Variants in SAP25 observed in about 807,000 individuals in gnomAD.
SAP25 encodes histone deacetylase complex subunit SAP25.
SAP25 carries 24 observed loss-of-function variants against 31.5 expected under a neutral mutation model. That is an observed-to-expected ratio of 0.76 (90% confidence interval 0.55 to 1.07). SAP25 has a LOEUF of 1.07. Among genes scored for constraint, SAP25 ranks in the 50% least tolerant of loss-of-function variants. The pLI is 0.00. For missense variants in SAP25, 377 were observed against 418.8 expected, an observed-to-expected ratio of 0.90 and a Z score of 0.87; for synonymous variants, 180 against 186.0, an observed-to-expected ratio of 0.97 and a Z score of 0.26.
Position 100,572,333 on chromosome 7 carries a change from C to T in SAP25, c.848G>A (p.Gly283Asp). The change falls in exon 6 of 6, where the codon GGT (glycine) becomes GAT (aspartate). Residue 283 changes from glycine (G) to aspartate (D), a missense_variant. By Grantham distance (94) the Gly-to-Asp change is moderately conservative (BLOSUM62 -1). Coordinates refer to ENST00000622764, the MANE Select transcript of SAP25 (RefSeq NM_001348680.2). This position sits in a 1 kb window ranked among gnomAD's most constrained non-coding sequence, Gnocchi z 4.1. ...GGTCTGTGGGAGAGAGAGGTCAGCA[C>T]CCTGAGAACTGCTGGGGCTACCACA... Reference protein sequence around the residue: ...SPCGSPSSSQGADLSLPQTPD... With the variant: ...SPCGSPSSSQDADLSLPQTPD... 8 of 1,360,326 alleles carry T rather than the reference C, an allele frequency of 5.9e-6. No individual in the cohort carries two copies. Among genetic ancestry groups the T allele is most frequent in the Non-Finnish European group, 7.6e-6 (8 of 1,059,554 alleles). The allele number at this position is 1,360,326 out of a possible 1,614,324, so 84.3% of individuals were successfully genotyped here.
rs1263498480 is a variant in SAP25 at position 100,572,776 on chromosome 7, G to T, written c.512-25C>A. On this transcript the variant is annotated intron_variant, in intron 4 of 5. Transcript: ENST00000622764. The surrounding 1 kb of genome is among the most constrained non-coding windows in gnomAD (Gnocchi z 4.1). ...CCTAGGAGGAAACACCACTAGGGTG[G>T]CGGGCTGCGGGCTCCCACCCCTGGG... 6.6e-7 allele frequency: 1 copy of T among 1,518,216 alleles called. No individual in the cohort carries two copies. Among genetic ancestry groups the T allele is most frequent in the Non-Finnish European group, 8.8e-7 (1 of 1,139,008 alleles). The allele number at this position is 1,518,216 out of a possible 1,614,324, so 94.0% of individuals were successfully genotyped here.
In SAP25 at chr7:100,572,543, G is replaced by A. The variant is rs1237331591; in HGVS notation, c.638C>T (p.Pro213Leu). The change falls in exon 6 of 6, where the codon CCG (proline) becomes CTG (leucine). Residue 213 changes from proline to leucine, a missense_variant. Coordinates refer to ENST00000622764, the MANE Select transcript of SAP25 (RefSeq NM_001348680.2). This position sits in a 1 kb window ranked among gnomAD's most constrained non-coding sequence, Gnocchi z 4.1. ...QMMGSLKLLP[P>L]PPIMSARVLP... Reference sequence around the variant, plus strand: ...CACCCTGGCAGACATGATGGGGGGCGGCGGCAGCAGTTTCAGGGAGCCCAT... The same window carrying A: ...CACCCTGGCAGACATGATGGGGGGCAGCGGCAGCAGTTTCAGGGAGCCCAT... The A allele has an allele frequency of 2.1e-6, 3 of 1,437,902 alleles. No individual in the cohort carries two copies. The highest frequency in any genetic ancestry group is 2.7e-6 in the Non-Finnish European group (3 of 1,099,612). 89.1% of individuals were successfully genotyped at this position (1,437,902 alleles called of 1,614,324 possible). A position where few individuals can be genotyped will look rare whatever the true frequency, so the allele number is the denominator to read the frequency against.
rs771029980 is a variant in SAP25 at position 100,572,933 on chromosome 7, G to A, written c.438C>T (p.Ala146=). ...CCACGGGCCTGAGACCCCTGCCCGA[G>A]GCTGCTTCATACAGCGGCCAGAATG... The part of the protein sequence containing the change: ...HPSFWPLYEA[A]SGRGLRPVAP... Residue 146 remains alanine (A), a synonymous_variant, in exon 4 of 6, where the codon GCC becomes GCT. Coordinates refer to ENST00000622764, the MANE Select transcript of SAP25 (RefSeq NM_001348680.2). This position sits in a 1 kb window ranked among gnomAD's most constrained non-coding sequence, Gnocchi z 4.1. The A allele has an allele frequency of 4.0e-6, 6 of 1,499,836 alleles. No homozygotes were observed. In the South Asian group the frequency reaches 7.5e-5, roughly 19 times the overall value. The allele number at this position is 1,499,836 out of a possible 1,614,324, so 92.9% of individuals were successfully genotyped here. A position where few individuals can be genotyped will look rare whatever the true frequency, so the allele number is the denominator to read the frequency against.
chr7:100,573,718 A>G lies in SAP25; in HGVS notation c.25T>C (p.Trp9Arg). 1 of 1,224,328 alleles carries G rather than the reference A, an allele frequency of 8.2e-7. No individual in the cohort carries two copies. The highest frequency in any genetic ancestry group is 3.2e-5 in the East Asian group (1 of 31,056). The allele number at this position is 1,224,328 out of a possible 1,614,324, so 75.8% of individuals were successfully genotyped here. ...GGCGCCTCCTCCGGGCCCGCGCCCC[A>G]CCGCGGCGGCGACCAGGGCAACATT... is the stretch of plus-strand genomic sequence containing the variant. MLPWSPPR[W>R]GAGPEEAPEG... Residue 9 changes from tryptophan (W) to arginine (R), a missense_variant, in exon 1 of 6, where the codon TGG becomes CGG. Trp to Arg is a moderately radical substitution (Grantham distance 101). Transcript: ENST00000622764.
rs528990776 is a variant in SAP25, at chr7:100,573,754, G to A, written c.-12C>T. On this transcript the variant is annotated 5_prime_UTR_variant, in exon 1 of 6. Transcript: ENST00000622764. ...GACCAGGGCAACATTCCGCGTTCCC[G>A]AGCGCAGGACGGTACCGCCGTGTCC... 9.1e-6 allele frequency: 11 copies of A among 1,211,264 alleles called. No individual in the cohort carries two copies. In the Admixed American group the frequency reaches 2.2e-4, roughly 24 times the overall value. 75.0% of individuals were successfully genotyped at this position (1,211,264 alleles called of 1,614,324 possible).
Position 100,573,755 on chromosome 7 carries a change from A to G in SAP25, c.-13T>C. On this transcript the variant is annotated 5_prime_UTR_variant, in exon 1 of 6. Coordinates refer to ENST00000622764, the MANE Select transcript of SAP25 (RefSeq NM_001348680.2). ...ACCAGGGCAACATTCCGCGTTCCCGAGCGCAGGACGGTACCGCCGTGTCCC... is the reference window on the plus strand; with the variant it reads ...ACCAGGGCAACATTCCGCGTTCCCGGGCGCAGGACGGTACCGCCGTGTCCC... The G allele has an allele frequency of 8.3e-7, 1 of 1,210,340 alleles. No individual in the cohort carries two copies. Among genetic ancestry groups the G allele is most frequent in the Non-Finnish European group, 1.0e-6 (1 of 974,304 alleles). The allele number at this position is 1,210,340 out of a possible 1,614,324, so 75.0% of individuals were successfully genotyped here.
rs1562801131 is a variant in SAP25, at chr7:100,572,770, A to G, written c.512-19T>C. On this transcript the variant is annotated intron_variant, in intron 4 of 5. Transcript: ENST00000622764. The surrounding 1 kb of genome is among the most constrained non-coding windows in gnomAD (Gnocchi z 4.1). ...GGGAACCCTAGGAGGAAACACCACTAGGGTGGCGGGCTGCGGGCTCCCACC... is the reference window on the plus strand; with the variant it reads ...GGGAACCCTAGGAGGAAACACCACTGGGGTGGCGGGCTGCGGGCTCCCACC... 4 of 1,523,470 alleles carry G rather than the reference A, an allele frequency of 2.6e-6. No homozygotes were observed. In the East Asian group the frequency reaches 9.8e-5, roughly 37 times the overall value. The allele number at this position is 1,523,470 out of a possible 1,614,324, so 94.4% of individuals were successfully genotyped here.
chr7:100,573,820 CGG>C lies in SAP25; in HGVS notation c.-80_-79del. The stretch of plus-strand genomic sequence containing the variant: ...GCCCTCTCAGCCTCCCTCCGCGGCG[CGG>C]CGCGAACGTGCCCTCCTGGCGAACC... On this transcript the variant is annotated 5_prime_UTR_variant, in exon 1 of 6. Coordinates refer to ENST00000622764, the MANE Select transcript of SAP25 (RefSeq NM_001348680.2). 2.7e-6 allele frequency: 3 copies of C among 1,120,742 alleles called. No homozygotes were observed. Among genetic ancestry groups the C allele is most frequent in the Non-Finnish European group, 3.3e-6 (3 of 910,362 alleles). 69.4% of individuals were successfully genotyped at this position (1,120,742 alleles called of 1,614,324 possible).
chr7:100,572,531 A>G lies in SAP25; in HGVS notation c.650T>C (p.Met217Thr). 6.9e-7 allele frequency: 1 copy of G among 1,440,302 alleles called. No individual in the cohort carries two copies. The highest frequency in any genetic ancestry group is 2.6e-5 in the East Asian group (1 of 38,962). 89.2% of individuals were successfully genotyped at this position (1,440,302 alleles called of 1,614,324 possible). ...SLKLLPPPPI[M>T]SARVLPRPSP... The stretch of plus-strand genomic sequence containing the variant: ...TGGGCGGGGGAGCACCCTGGCAGAC[A>G]TGATGGGGGGCGGCGGCAGCAGTTT... The change falls in exon 6 of 6, where the codon ATG (methionine) becomes ACG (threonine). Residue 217 changes from methionine to threonine, a missense_variant. Transcript: ENST00000622764. The surrounding 1 kb of genome is among the most constrained non-coding windows in gnomAD (Gnocchi z 4.1).
chr7:100,573,088 G>C lies in SAP25; in HGVS notation c.357+18C>G. ...CCTGAGCACCCCAGCCAGTCCCACA[G>C]GTTTGCCCCCAACTCACCCACACCG... On this transcript the variant is annotated intron_variant, in intron 3 of 5. Coordinates refer to ENST00000622764, the MANE Select transcript of SAP25 (RefSeq NM_001348680.2). The C allele has an allele frequency of 6.5e-7, 1 of 1,532,194 alleles. No individual in the cohort carries two copies. The highest frequency in any genetic ancestry group is 8.7e-7 in the Non-Finnish European group (1 of 1,143,964). 94.9% of individuals were successfully genotyped at this position (1,532,194 alleles called of 1,614,324 possible). A position where few individuals can be genotyped will look rare whatever the true frequency, so the allele number is the denominator to read the frequency against.
Position 100,572,572 on chromosome 7 carries a change from C to T in SAP25, c.610-1G>A, listed in dbSNP as rs1233868478. 7 of 1,466,418 alleles carry T rather than the reference C, an allele frequency of 4.8e-6. No homozygotes were observed. The highest frequency in any genetic ancestry group is 1.8e-4 in the Middle Eastern group (1 of 5,642). The allele number at this position is 1,466,418 out of a possible 1,614,324, so 90.8% of individuals were successfully genotyped here. A position where few individuals can be genotyped will look rare whatever the true frequency, so the allele number is the denominator to read the frequency against. Reference sequence around the variant, plus strand: ...GCAGCAGTTTCAGGGAGCCCATCATCTGAGGAGAGAGAATGGAATGTGTTT... The same window carrying T: ...GCAGCAGTTTCAGGGAGCCCATCATTTGAGGAGAGAGAATGGAATGTGTTT... On this transcript the variant is annotated splice_acceptor_variant, in intron 5 of 5. Transcript: ENST00000622764. LOFTEE classifies it high-confidence loss of function. The surrounding 1 kb of genome is among the most constrained non-coding windows in gnomAD (Gnocchi z 4.1).
rs1449010208 is a variant in SAP25, at chr7:100,572,835, G to GC, written c.511+24dup. On this transcript the variant is annotated intron_variant, in intron 4 of 5. Transcript: ENST00000622764. This position sits in a 1 kb window ranked among gnomAD's most constrained non-coding sequence, Gnocchi z 4.1. The stretch of plus-strand genomic sequence containing the variant: ...CCCAGAGGAGTTGGGGCAGCCTTGC[G>GC]CCCCCGGGGGACCAAGGGAGGTACC... The GC allele has an allele frequency of 1.4e-6, 2 of 1,480,782 alleles. No homozygotes were observed. The highest frequency in any genetic ancestry group is 2.5e-5 in the Admixed American group (1 of 40,310). The allele number at this position is 1,480,782 out of a possible 1,614,324, so 91.7% of individuals were successfully genotyped here.
chr7:100,572,285 G>A lies in SAP25; in HGVS notation c.*2C>T, dbSNP rs1000620119. On this transcript the variant is annotated 3_prime_UTR_variant, in exon 6 of 6. Coordinates refer to ENST00000622764, the MANE Select transcript of SAP25 (RefSeq NM_001348680.2). The surrounding 1 kb of genome is among the most constrained non-coding windows in gnomAD (Gnocchi z 4.1). ...CAACCAGCCCACTCTGCCCTGAGAA[G>A]GCTATGGACAATGGGTGTCTGGGGT... 6.9e-6 allele frequency: 9 copies of A among 1,299,344 alleles called. No individual in the cohort carries two copies. In the African/African-American group the frequency reaches 9.2e-5, roughly 13 times the overall value. 80.5% of individuals were successfully genotyped at this position (1,299,344 alleles called of 1,614,324 possible).
At chr7:100,573,559 A>C in intron 1 of SAP25, 38 bp downstream of exon 1, 1 of 1,234,042 alleles carries the variant, frequency 8.1e-7, no homozygotes, top group South Asian at 4.0e-5. Flanking sequence ...GGAGGCCCCC[A>C]GTCGCTGTCC....
In SAP25 at chr7:100,573,600, T is replaced by C. The variant is rs1323131912; in HGVS notation, c.143A>G (p.Asp48Gly). ...APRELGTPPW[D>G]SPQPPSRSPS... ...CGGCTCCGTCCGAGCCCCTCACCTG[T>C]CCCATGGGGGTGTCCCCAGCTCCCT... is the stretch of plus-strand genomic sequence containing the variant. Residue 48 changes from aspartate (D) to glycine (G), a missense_variant, in exon 1 of 6, where the codon GAC becomes GGC. Asp to Gly is a moderately conservative substitution (Grantham distance 94). Coordinates refer to ENST00000622764, the MANE Select transcript of SAP25 (RefSeq NM_001348680.2). 8.9e-6 allele frequency: 11 copies of C among 1,232,266 alleles called. No homozygotes were observed. The highest frequency in any genetic ancestry group is 4.7e-5 in the African/African-American group (3 of 64,352). 76.3% of individuals were successfully genotyped at this position (1,232,266 alleles called of 1,614,324 possible). A position where few individuals can be genotyped will look rare whatever the true frequency, so the allele number is the denominator to read the frequency against.
In SAP25 at chr7:100,573,002, A is replaced by G. The variant is rs1199128806; in HGVS notation, c.369T>C (p.Cys123=). The G allele has an allele frequency of 6.7e-7, 1 of 1,492,648 alleles. No individual in the cohort carries two copies. Among genetic ancestry groups the G allele is most frequent in the Admixed American group, 2.3e-5 (1 of 43,962 alleles). The allele number at this position is 1,492,648 out of a possible 1,614,324, so 92.5% of individuals were successfully genotyped here. The change falls in exon 4 of 6, where the codon TGT becomes TGC. Residue 123 remains cysteine, a synonymous_variant. Coordinates refer to ENST00000622764, the MANE Select transcript of SAP25 (RefSeq NM_001348680.2). The part of the protein sequence containing the change: ...AGPRPVWGAN[C]SSGASFSGRT... ...GGCCTGAGAACGAGGCTCCTGAGCTACAGTTGGCCCCCTAGGGTGAGGAGG... is the reference window on the plus strand; with the variant it reads ...GGCCTGAGAACGAGGCTCCTGAGCTGCAGTTGGCCCCCTAGGGTGAGGAGG...
At chr7:100,573,434 C>G in intron 1 of SAP25, 34 bp from the exon 2 acceptor site, 2 of 1,249,580 alleles carry the variant, frequency 1.6e-6, no homozygotes, top group Middle Eastern at 3.0e-4. Context: ...GCAGCCACAC[C>G]GCCCCCACGC....
rs1403822138 is a variant in SAP25 at position 100,573,329 on chromosome 7, C to A, written c.218G>T (p.Gly73Val). The A allele has an allele frequency of 4.3e-6, 6 of 1,382,980 alleles. No individual in the cohort carries two copies. In the African/African-American group the frequency reaches 7.3e-5, roughly 17 times the overall value. The allele number at this position is 1,382,980 out of a possible 1,614,324, so 85.7% of individuals were successfully genotyped here. The stretch of plus-strand genomic sequence containing the variant: ...TCCGGGGGGCTGCTCAGTGGCCGGG[C>A]CTGGCAGGTGGTGGGGCAGCAGCAG... ...EQLLLPHHLP[G>V]PATEQPPGAP... Residue 73 changes from glycine to valine, a missense_variant, in exon 2 of 6, where the codon GGC becomes GTC. By Grantham distance (109) the Gly-to-Val change is moderately radical. Transcript: ENST00000622764.
chr7:100,572,969 C>G lies in SAP25; in HGVS notation c.402G>C (p.Leu134=). The change falls in exon 4 of 6, where the codon CTG becomes CTC. Residue 134 remains leucine (L), a synonymous_variant. Coordinates refer to ENST00000622764, the MANE Select transcript of SAP25 (RefSeq NM_001348680.2). This position sits in a 1 kb window ranked among gnomAD's most constrained non-coding sequence, Gnocchi z 4.1. ...ACAGCGGCCAGAATGAGGGGTGACA[C>G]AGCGTCCGGCCTGAGAACGAGGCTC... ...SSGASFSGRT[L]CHPSFWPLYE... 1.3e-6 allele frequency: 2 copies of G among 1,510,442 alleles called. No individual in the cohort carries two copies. Among genetic ancestry groups the G allele is most frequent in the Non-Finnish European group, 1.8e-6 (2 of 1,132,734 alleles). 93.6% of individuals were successfully genotyped at this position (1,510,442 alleles called of 1,614,324 possible). A position where few individuals can be genotyped will look rare whatever the true frequency, so the allele number is the denominator to read the frequency against.
Sources: allele counts gnomAD v4.1 joint callset, GRCh38; gene constraint gnomAD v4.1.1; non-coding constraint Gnocchi (gnomAD v3.1); transcripts MANE v1.5; gene names NCBI Gene and HGNC (gene_info 2026-07-23, HGNC 2026-07-21).